DENND4A: variants seen among roughly 807,000 people sequenced by gnomAD.
The protein encoded by DENND4A is C-myc promoter-binding protein.
In DENND4A, 70 loss-of-function variants were observed where a neutral mutation model predicts 199.3. The observed-to-expected ratio is 0.35, with a 90% CI of 0.29 to 0.43. The LOEUF is 0.43. Ranked by LOEUF, DENND4A falls within the 20% of genes least tolerant of loss-of-function variation. DENND4A has a pLI of 1.00. For synonymous variants in DENND4A, 686 were observed against 766.9 expected, an observed-to-expected ratio of 0.89 and a Z score of 1.74; for missense variants, 1,723 against 2,255.8, an observed-to-expected ratio of 0.76 and a Z score of 4.78.
intron 23 of DENND4A, among the ~76,000 whole-genome samples, chr15:65,687,192 G>A (rs1467150479): frequency 6.6e-6 from 1 of 151,968 alleles, no homozygotes; most frequent in Non-Finnish European, 1.5e-5. Context: ...GTGCTCCAGG[G>A]ATTACAATAT....
At position 65,732,765 on chromosome 15, in the gene DENND4A, C is replaced by T. The variant is rs1298457822; in HGVS notation, c.1094G>A (p.Arg365Gln). ...AAAAAACCTTACCTGAACTAAAATCCGTGGTCTCTGAGGAGATGGAAAAGG... is the reference window on the plus strand; with the variant it reads ...AAAAAACCTTACCTGAACTAAAATCTGTGGTCTCTGAGGAGATGGAAAAGG... ...KVPFPSPQRP[R>Q]ILVQLSPHDN... Residue 365 changes from arginine (R) to glutamine (Q), a missense_variant, in exon 8 of 33, where the codon CGG (arginine) becomes CAG (glutamine). Transcript: ENST00000443035. 1.9e-6 allele frequency: 3 copies of T among 1,600,650 alleles called. No homozygotes were observed. The highest frequency in any genetic ancestry group is 2.2e-5 in the East Asian group (1 of 44,746).
At chr15:65,715,701 C>G (rs1181556507) in intron 13 of DENND4A, 78 bp from the exon 14 acceptor site, 3 of 1,386,100 alleles carry the variant, frequency 2.2e-6, no homozygotes, top group African/African-American at 1.5e-5. Context: ...TAGAAAGAAT[C>G]TGAACAACCA....
intron 22 of DENND4A, among the ~76,000 whole-genome samples, chr15:65,695,025 A>G (rs1479910541): frequency 6.6e-6 from 1 of 152,258 alleles, no homozygotes; most frequent in Non-Finnish European, 1.5e-5. Context: ...CAAGTTATCA[A>G]GAGTTATAAT....
chr15:65,765,126 T>C (rs1024284287), intron 1 of DENND4A, among the ~76,000 whole-genome samples: 1 of 152,198 alleles, frequency 6.6e-6, no homozygotes, highest in African/African-American at 2.4e-5. Context: ...TTATTAGAAT[T>C]AACTGATTTT....
intron 23 of DENND4A, among the ~76,000 whole-genome samples, chr15:65,682,132 C>T (rs1258406627): frequency 6.6e-6 from 1 of 152,110 alleles, no homozygotes; most frequent in Non-Finnish European, 1.5e-5. Flanking sequence ...TACACTACCC[C>T]CTAACAAGAG....
intron 23 of DENND4A, among the ~76,000 whole-genome samples, chr15:65,687,410 GT>G (rs2076826189): frequency 2.0e-5 from 3 of 150,274 alleles, no homozygotes; most frequent in Admixed American, 2.0e-4. Flanking sequence ...TTTTTTTTCA[GT>G]TTAGGAGGCA....
chr15:65,738,768 T>G lies in DENND4A; in HGVS notation c.739A>C (p.Asn247His). The G allele has an allele frequency of 6.2e-7, 1 of 1,613,022 alleles. No individual in the cohort carries two copies. The highest frequency in any genetic ancestry group is 8.5e-7 in the Non-Finnish European group (1 of 1,179,424). Residue 247 changes from asparagine (N) to histidine (H), a missense_variant, in exon 6 of 33, where the codon AAT becomes CAT. By Grantham distance (68) the Asn-to-His change is moderately conservative. Around this residue, in one of 6 missense-constraint regions of DENND4A, gnomAD observed 725 missense variants for 952.9 expected, o/e 0.76. Coordinates refer to ENST00000443035, the MANE Select transcript of DENND4A (RefSeq NM_001320835.1). The part of the protein sequence containing the change: ...MGATIECWPS[N>H]SKYPLPVFST... ...AATACAGGCAGAGGGTATTTGCTAT[T>G]TGATGGCCAACATTCAATGGTTGCA... is the stretch of plus-strand genomic sequence containing the variant.
chr15:65,717,678 T>C (rs1278534585), intron 13 of DENND4A, 100 bp downstream of exon 13: 4 of 1,055,746 alleles, frequency 3.8e-6, no homozygotes, highest in Admixed American at 5.8e-5. Flanking sequence ...AAAATAGGTA[T>C]GTATTCTCAT....
At chr15:65,752,098 G>T (rs2076578426) in intron 4 of DENND4A, among the ~76,000 whole-genome samples, 1 of 115,882 alleles carries the variant, frequency 8.6e-6, no homozygotes, top group Non-Finnish European at 1.7e-5. Context: ...AGTCACAAGT[G>T]GAAGGATACT....
chr15:65,778,881 G>A (rs1037908033), intron 1 of DENND4A, among the ~76,000 whole-genome samples: 14 of 136,520 alleles, frequency 1.0e-4, no homozygotes, highest in African/African-American at 3.1e-4. Context: ...GTGACACAAC[G>A]AGACTCCGCA....
intron 1 of DENND4A, among the ~76,000 whole-genome samples, chr15:65,781,382 G>A (rs1168598687): frequency 6.6e-6 from 1 of 152,088 alleles, no homozygotes; most frequent in Admixed American, 6.5e-5. Flanking sequence ...ATTCTGAGAA[G>A]GTGAATCTCA....
Position 65,702,397 on chromosome 15 carries a change from C to T in DENND4A, c.2338G>A (p.Val780Met), listed in dbSNP as rs1388366287. 6.4e-7 allele frequency: 1 copy of T among 1,567,848 alleles called. No individual in the cohort carries two copies. The highest frequency in any genetic ancestry group is 2.4e-5 in the East Asian group (1 of 42,456). The change falls in exon 17 of 33, where the codon GTG becomes ATG. Residue 780 changes from valine to methionine, a missense_variant. By Grantham distance (21) the Val-to-Met change is conservative. Around this residue, in one of 6 missense-constraint regions of DENND4A, gnomAD observed 725 missense variants for 952.9 expected, o/e 0.76. Coordinates refer to ENST00000443035, the MANE Select transcript of DENND4A (RefSeq NM_001320835.1). ...GLWFICLPAY[V>M]KVCHSKVRAL... ...CTGACTTTTGAATGACAGACTTTCA[C>T]ATAAGCTGGGAGACAAATAAACCAC...
Position 65,701,708 on chromosome 15 carries a change from A to G in DENND4A, c.2559+54T>C. The G allele has an allele frequency of 3.3e-6, 5 of 1,511,872 alleles. No individual in the cohort carries two copies. The Admixed American group carries it at 5.2e-5, about 16-fold the overall frequency. 93.7% of individuals were successfully genotyped at this position (1,511,872 alleles called of 1,614,324 possible). A position where few individuals can be genotyped will look rare whatever the true frequency, so the allele number is the denominator to read the frequency against. On this transcript the variant is annotated intron_variant, in intron 18 of 32. Coordinates refer to ENST00000443035, the MANE Select transcript of DENND4A (RefSeq NM_001320835.1). Reference sequence around the variant, plus strand: ...CCTGCATAAATTATTTCTGCCATTAATGTTGCATAATGACAAAAGTAATAC... The same window carrying G: ...CCTGCATAAATTATTTCTGCCATTAGTGTTGCATAATGACAAAAGTAATAC...
chr15:65,761,891 T>C (rs2076859027), intron 1 of DENND4A, among the ~76,000 whole-genome samples: 1 of 152,160 alleles, frequency 6.6e-6, no homozygotes, highest in Non-Finnish European at 1.5e-5. Context: ...TTCAAAGAAG[T>C]CAATACCCAA....
chr15:65,735,806 A>G (rs1354406174), intron 7 of DENND4A, among the ~76,000 whole-genome samples: 1 of 152,072 alleles, frequency 6.6e-6, no homozygotes, highest in Non-Finnish European at 1.5e-5. Context: ...AAGATGACTG[A>G]CAGGCCAGGT....
intron 13 of DENND4A, among the ~76,000 whole-genome samples, chr15:65,716,665 T>C (rs1293710747): frequency 6.6e-6 from 1 of 152,062 alleles, no homozygotes; most frequent in Non-Finnish European, 1.5e-5. Flanking sequence ...TTTGGGTTGG[T>C]TCCAAGTCTT....
At chr15:65,732,118 G>A (rs1388270618) in intron 8 of DENND4A, among the ~76,000 whole-genome samples, 1 of 152,100 alleles carries the variant, frequency 6.6e-6, no homozygotes, top group Non-Finnish European at 1.5e-5. Flanking sequence ...CTCTTGTGCT[G>A]TAACAGAAGA....
At chr15:65,687,377 A>G (rs1384282502) in intron 23 of DENND4A, among the ~76,000 whole-genome samples, 1 of 152,074 alleles carries the variant, frequency 6.6e-6, no homozygotes, top group African/African-American at 2.4e-5. Flanking sequence ...TTTGTTTTGG[A>G]CAATTATAGG....
At chr15:65,749,614 T>C (rs1376644325) in intron 4 of DENND4A, among the ~76,000 whole-genome samples, 2 of 151,774 alleles carry the variant, frequency 1.3e-5, no homozygotes, top group East Asian at 1.9e-4. Context: ...ATATATTTAA[T>C]ACACTGATAT....
Sources: gnomAD v4.1 joint callset for allele counts (sites outside exome capture counted in the v4.1 genomes callset) on GRCh38, gnomAD v4.1.1 for gene constraint, gnomAD v4.1.1 regional missense constraint, MANE v1.5 for transcripts, NCBI Gene and HGNC (gene_info 2026-07-23, HGNC 2026-07-21) for gene names.